Variants in PPP3CA observed in about 807,000 individuals in gnomAD.
The protein encoded by PPP3CA is CAM-PRP catalytic subunit.
PPP3CA carries 14 observed loss-of-function variants against 66.5 expected under a neutral mutation model. The ratio of observed to expected loss-of-function variants is 0.21; its 90% CI spans 0.14 to 0.33. The LOEUF is 0.33. Ranked by LOEUF, PPP3CA falls within the 10% of genes least tolerant of loss-of-function variation. The pLI is 1.00. For synonymous variants in PPP3CA, 232 were observed against 226.2 expected, an observed-to-expected ratio of 1.03 and a Z score of -0.23; for missense variants, 317 against 639.5, an observed-to-expected ratio of 0.50 and a Z score of 5.44.
chr4:101,276,939 T>G (rs909639287), intron 1 of PPP3CA, among the ~76,000 whole-genome samples: 1 of 152,196 alleles, frequency 6.6e-6, no homozygotes, highest in Non-Finnish European at 1.5e-5. Context: ...ATTCTACGGA[T>G]TTCAACAAAT....
At chr4:101,116,222 G>A (rs1246986538) in intron 2 of PPP3CA, among the ~76,000 whole-genome samples, 1 of 151,816 alleles carries the variant, frequency 6.6e-6, no homozygotes, top group African/African-American at 2.4e-5. Context: ...AGACGTTACT[G>A]AATCGTTTAG....
intron 13 of PPP3CA, 31 bp downstream of exon 13, chr4:101,029,135 G>T: frequency 6.4e-7 from 1 of 1,556,924 alleles, no homozygotes; most frequent in Non-Finnish European, 8.9e-7. Context: ...ATCTGTTGCA[G>T]GTACAACAGA....
intron 1 of PPP3CA, among the ~76,000 whole-genome samples, chr4:101,275,027 G>C (rs1487752357): frequency 6.6e-6 from 1 of 152,168 alleles, no homozygotes; most frequent in Non-Finnish European, 1.5e-5. Flanking sequence ...CATTTTCAGT[G>C]ATTGGGCTCC....
At chr4:101,066,609 T>C (rs1435961591) in intron 8 of PPP3CA, among the ~76,000 whole-genome samples, 1 of 152,172 alleles carries the variant, frequency 6.6e-6, no homozygotes, top group Non-Finnish European at 1.5e-5. Flanking sequence ...AAAATACTTT[T>C]TGAATAACCT....
chr4:101,075,163 T>A (rs976615987), intron 8 of PPP3CA, among the ~76,000 whole-genome samples: 1 of 152,202 alleles, frequency 6.6e-6, no homozygotes, highest in African/African-American at 2.4e-5. Context: ...TGGGGATTAT[T>A]ACAATTCAAG....
chr4:101,293,907 G>A (rs532179303), intron 1 of PPP3CA, among the ~76,000 whole-genome samples: 4 of 151,898 alleles, frequency 2.6e-5, no homozygotes, highest in African/African-American at 7.3e-5. Flanking sequence ...GACAATATCC[G>A]TATCATCAGA....
chr4:101,318,893 T>C (rs1049785825), intron 1 of PPP3CA, among the ~76,000 whole-genome samples: 5 of 152,238 alleles, frequency 3.3e-5, no homozygotes, highest in Admixed American at 2.0e-4. Flanking sequence ...GGATCTAGAA[T>C]CTAAGAAACG....
chr4:101,237,657 T>C (rs1165745262), intron 1 of PPP3CA, among the ~76,000 whole-genome samples: 2 of 152,080 alleles, frequency 1.3e-5, no homozygotes, highest in African/African-American at 2.4e-5. Flanking sequence ...CAATATATCT[T>C]CATCACTAGA....
chr4:101,346,611 G>T, intron 1 of PPP3CA, 128 bp downstream of exon 1: 1 of 817,130 alleles, frequency 1.2e-6, no homozygotes, highest in Non-Finnish European at 2.0e-6. Context: ...CAATATCCTA[G>T]AAGGTCCGCG....
At chr4:101,124,723 A>AAGAAAGAGAGAGAGAG in intron 2 of PPP3CA, among the ~76,000 whole-genome samples, 1 of 48,248 alleles carries the variant, frequency 2.1e-5, no homozygotes, top group East Asian at 5.6e-4. Context: ...GAAAGAAAGA[A>AAGAAAGAGAGAGAGAG]AGAGAAAGAA....
At chr4:101,110,721 T>C (rs1235731133) in intron 2 of PPP3CA, among the ~76,000 whole-genome samples, 2 of 152,172 alleles carry the variant, frequency 1.3e-5, no homozygotes, top group African/African-American at 2.4e-5. Context: ...TTCTGAGGCA[T>C]TGAGAAGTTG....
chr4:101,341,489 T>C (rs985589360), intron 1 of PPP3CA, among the ~76,000 whole-genome samples: 1 of 152,172 alleles, frequency 6.6e-6, no homozygotes, highest in African/African-American at 2.4e-5. Context: ...ATGCTAATGG[T>C]TCTGACTATT....
intron 1 of PPP3CA, among the ~76,000 whole-genome samples, chr4:101,286,676 G>A (rs1395653264): frequency 6.6e-6 from 1 of 152,130 alleles, no homozygotes; most frequent in Non-Finnish European, 1.5e-5. Flanking sequence ...ACTCTCACAG[G>A]CCACTGTGTC....
intron 2 of PPP3CA, among the ~76,000 whole-genome samples, chr4:101,142,735 A>G (rs1722848350): frequency 6.6e-6 from 1 of 152,210 alleles, no homozygotes; most frequent in South Asian, 2.1e-4. Flanking sequence ...GTAAACCTTT[A>G]AAAACAACTG....
Position 101,118,277 on chromosome 4 carries a change from C to T in PPP3CA, c.260-9199G>A, listed in dbSNP as rs1309194281. Among the ~76,000 whole-genome samples the T allele has an allele frequency of 2.6e-5, 4 of 152,128 alleles. No homozygotes were observed. In the East Asian group the frequency reaches 5.8e-4, roughly 22 times the overall value. ...ACTACGATGCCAGACTGCTTGGTTC[C>T]AAAGCCAATTTCCACCACCCAATCA... On this transcript the variant is annotated intron_variant, in intron 2 of 13. Transcript: ENST00000394854.
At position 101,322,689 on chromosome 4, in the gene PPP3CA, C is replaced by T. The variant is rs142172680; in HGVS notation, c.58+24050G>A. Among the ~76,000 whole-genome samples the T allele has an allele frequency of 4.6e-3, 704 of 152,276 alleles. 4 individuals carry two copies. Among genetic ancestry groups the T allele is most frequent in the African/African-American group, 0.016 (666 of 41,542 alleles). ...CCTCCCAAAGAGCTGGGATTAAAGA[C>T]GTGAGCCAACTGCACTTGGCCTCTA... On this transcript the variant is annotated intron_variant, in intron 1 of 13. Coordinates refer to ENST00000394854, the MANE Select transcript of PPP3CA (RefSeq NM_000944.5).
At chr4:101,195,452 T>C (rs986909033) in intron 2 of PPP3CA, among the ~76,000 whole-genome samples, 3 of 151,918 alleles carry the variant, frequency 2.0e-5, no homozygotes, top group African/African-American at 4.8e-5. Context: ...TAGGCTGGAG[T>C]GGGGCCTAAG....
chr4:101,121,823 T>C (rs1350704513), intron 2 of PPP3CA, among the ~76,000 whole-genome samples: 1 of 152,092 alleles, frequency 6.6e-6, no homozygotes, highest in East Asian at 1.9e-4. Flanking sequence ...ATATACAGAC[T>C]TACACATATG....
intron 1 of PPP3CA, among the ~76,000 whole-genome samples, chr4:101,230,548 AAACT>A (rs1441909531): frequency 1.3e-5 from 2 of 151,556 alleles, no homozygotes; most frequent in Non-Finnish European, 3.0e-5. Context: ...ATAAACAAAC[AAACT>A]AAATAAATAA....
Sources: allele counts gnomAD v4.1 joint callset (sites outside exome capture counted in the v4.1 genomes callset), GRCh38; gene constraint gnomAD v4.1.1; transcripts MANE v1.5; gene names NCBI Gene and HGNC (gene_info 2026-07-23, HGNC 2026-07-21).